The following DOCK5 variants were observed in gnomAD, a reference collection of about 807,000 sequenced individuals.
DOCK5 encodes dedicator of cytokinesis protein 5.
Under a neutral mutation model 251.8 loss-of-function variants are expected in DOCK5, and 142 were observed. The observed-to-expected ratio is 0.56, with a 90% confidence interval of 0.49 to 0.65. The LOEUF (loss-of-function observed/expected upper bound fraction) is 0.65. Among genes scored for constraint, DOCK5 ranks in the 30% least tolerant of loss-of-function variants. The pLI, the probability that DOCK5 is intolerant of heterozygous loss-of-function variation, is 0.00. For missense variants in DOCK5, 2,111 were observed against 2,312.3 expected (o/e 0.91, Z 1.79); for synonymous variants, 842 against 835.5 (o/e 1.01, Z -0.13).
At chr8:25,291,682 C>CAAAAA (rs5890216) in intron 5 of DOCK5, among the ~76,000 whole-genome samples, 1 of 118,312 alleles carries the variant, frequency 8.5e-6, no homozygotes, top group African/African-American at 3.3e-5. Context: ...GACTCCGTCT[C>CAAAAA]AAAAAAAAAA....
At chr8:25,260,385 A>AT (rs1803545838) in intron 2 of DOCK5, among the ~76,000 whole-genome samples, 1 of 150,634 alleles carries the variant, frequency 6.6e-6, no homozygotes, top group South Asian at 2.1e-4. Context: ...ACACACACAT[A>AT]ATGCAGGTGT....
At chr8:25,266,488 T>C (rs1249843294) in intron 2 of DOCK5, among the ~76,000 whole-genome samples, 1 of 151,908 alleles carries the variant, frequency 6.6e-6, no homozygotes, top group Non-Finnish European at 1.5e-5. Flanking sequence ...GTGCTGGGAT[T>C]ACAGCATTAT....
chr8:25,243,813 C>T, intron 2 of DOCK5, 56 bp downstream of exon 2: 1 of 1,548,424 alleles, frequency 6.5e-7, no homozygotes, highest in African/African-American at 1.4e-5. Flanking sequence ...GTGTAAGTTA[C>T]TTATTAAAAA....
At chr8:25,240,745 T>C (rs1802919315) in intron 1 of DOCK5, among the ~76,000 whole-genome samples, 1 of 152,244 alleles carries the variant, frequency 6.6e-6, no homozygotes, top group African/African-American at 2.4e-5. Flanking sequence ...CTATTGTGAA[T>C]AATGCTACTG....
At chr8:25,393,828 A>G (rs1383933706) in intron 44 of DOCK5, among the ~76,000 whole-genome samples, 2 of 152,198 alleles carry the variant, frequency 1.3e-5, no homozygotes, top group African/African-American at 4.8e-5. Flanking sequence ...CATGAAATAC[A>G]TACATCTTAA....
intron 42 of DOCK5, among the ~76,000 whole-genome samples, chr8:25,391,182 C>G (rs1319730879): frequency 2.0e-5 from 3 of 149,828 alleles, no homozygotes; most frequent in Admixed American, 1.3e-4. Flanking sequence ...GTAGCTGGGA[C>G]ATACACCACC....
intron 8 of DOCK5, 106 bp from the exon 9 acceptor site, chr8:25,300,470 G>T: frequency 1.0e-6 from 1 of 963,078 alleles, no homozygotes; most frequent in Non-Finnish European, 1.5e-6. Flanking sequence ...ATTTCACTGA[G>T]CATTTCTGGC....
intron 1 of DOCK5, among the ~76,000 whole-genome samples, chr8:25,237,993 T>C (rs949230637): frequency 9.2e-5 from 14 of 152,250 alleles, no homozygotes; most frequent in Non-Finnish European, 1.8e-4. Context: ...CCCATTTCTC[T>C]AGCTTTCTCT....
chr8:25,267,872 T>C lies in DOCK5; in HGVS notation c.128-973T>C, dbSNP rs190114816. ...GGTGTGTACCTTTATTGGAATTTTT[T>C]TTTTTTTGGAAACGGAGTCTCGCTC... On this transcript the variant is annotated intron_variant, in intron 2 of 51. Transcript: ENST00000276440. Among the ~76,000 whole-genome samples, 6 of 152,232 alleles carry C rather than the reference T, an allele frequency of 3.9e-5. No individual in the cohort carries two copies. The East Asian group carries it at 1.2e-3, about 29-fold the overall frequency.
In DOCK5 at chr8:25,415,161, T is replaced by C. The variant is rs1801688299; in HGVS notation, c.*3863T>C. On this transcript the variant is annotated 3_prime_UTR_variant, in exon 52 of 52. Coordinates refer to ENST00000276440, the MANE Select transcript of DOCK5 (RefSeq NM_024940.8). The stretch of plus-strand genomic sequence containing the variant: ...ATTAAAATTATGAATATGTCAGTAA[T>C]AATCCAGCACACATTGAAATATTGA... The C allele has an allele frequency of 2.0e-5, 3 of 152,154 alleles. No homozygotes were observed. The highest frequency in any genetic ancestry group is 1.3e-4 in the Admixed American group (2 of 15,276). 9.4% of individuals were successfully genotyped at this position (152,154 alleles called of 1,614,324 possible). A position where few individuals can be genotyped will look rare whatever the true frequency, so the allele number is the denominator to read the frequency against.
At chr8:25,286,240 A>G (rs1051563288) in intron 5 of DOCK5, among the ~76,000 whole-genome samples, 2 of 152,140 alleles carry the variant, frequency 1.3e-5, no homozygotes, top group Non-Finnish European at 1.5e-5. Context: ...ATTGATTGCA[A>G]TGAGCTCGAC....
rs1403956039 is a variant in DOCK5, at chr8:25,210,008, T to TTTTA, written c.43+25058_43+25059insTTAT. Among the ~76,000 whole-genome samples, 4 of 27,218 alleles carry TTTTA rather than the reference T, an allele frequency of 1.5e-4. 1 individual carries two copies. Among genetic ancestry groups the TTTTA allele is most frequent in the African/African-American group, 4.3e-4 (4 of 9,290 alleles). The allele number at this position is 27,218 out of a possible 152,430, so 17.9% of individuals were successfully genotyped here. A position where few individuals can be genotyped will look rare whatever the true frequency, so the allele number is the denominator to read the frequency against. ...GGCACATGCCACCATCCCCGGCTAATTATATATATATATATATATATATAT... is the reference window on the plus strand; with the variant it reads ...GGCACATGCCACCATCCCCGGCTAATTTTATATATATATATATATATATATATAT... On this transcript the variant is annotated intron_variant, in intron 1 of 51. Transcript: ENST00000276440.
chr8:25,339,407 A>T (rs1481775760), intron 22 of DOCK5, among the ~76,000 whole-genome samples: 1 of 152,200 alleles, frequency 6.6e-6, no homozygotes, highest in East Asian at 1.9e-4. Flanking sequence ...TTTGCAGCAT[A>T]TGTGACCAGG....
At chr8:25,282,849 CAAAAAAAAAA>C (rs56687628) in intron 5 of DOCK5, among the ~76,000 whole-genome samples, 1,749 of 39,702 alleles carry the variant, frequency 0.044, 44 homozygotes, top group African/African-American at 0.14. Flanking sequence ...GACCCTTTCT[CAAAAAAAAAA>C]AAAAAAAAAA....
intron 45 of DOCK5, among the ~76,000 whole-genome samples, chr8:25,398,140 A>G (rs1801378908): frequency 6.6e-6 from 1 of 152,226 alleles, no homozygotes; most frequent in African/African-American, 2.4e-5. Flanking sequence ...CCTACTAGAA[A>G]AATGAATTTC....
At position 25,403,589 on chromosome 8, in the gene DOCK5, G is replaced by A. The variant is rs375194434; in HGVS notation, c.4958G>A (p.Arg1653His). 2.3e-4 allele frequency: 370 copies of A among 1,613,698 alleles called. 1 individual carries two copies. Among genetic ancestry groups the A allele is most frequent in the Non-Finnish European group, 2.7e-4 (316 of 1,179,828 alleles). ...AACTTGACGGAGAGGAAGCAAAGCC[G>A]CACGGGGTCTATTGTGCTCCCCTAC... ...PPNLTERKQS[R>H]TGSIVLPYIM... The change falls in exon 48 of 52, where the codon CGC becomes CAC. Residue 1653 changes from arginine (R) to histidine (H), a missense_variant. By Grantham distance (29) the Arg-to-His change is conservative. Coordinates refer to ENST00000276440, the MANE Select transcript of DOCK5 (RefSeq NM_024940.8).
intron 39 of DOCK5, 26 bp from the exon 40 acceptor site, chr8:25,382,648 T>A: frequency 6.4e-7 from 1 of 1,565,332 alleles, no homozygotes; most frequent in South Asian, 1.2e-5. Context: ...TAACCTCCCC[T>A]TGGAATGTCT....
At chr8:25,250,387 C>T (rs1020309725) in intron 2 of DOCK5, among the ~76,000 whole-genome samples, 2 of 152,184 alleles carry the variant, frequency 1.3e-5, no homozygotes, top group Non-Finnish European at 2.9e-5. Context: ...CTGAAGCGAG[C>T]GTTCTTGCCT....
chr8:25,362,965 G>A (rs1800713066), intron 28 of DOCK5, 82 bp from the exon 29 acceptor site: 7 of 995,634 alleles, frequency 7.0e-6, no homozygotes, highest in Non-Finnish European at 1.1e-5. Context: ...TTCTGAGGTT[G>A]TGGTTCTGCT....
Sources: allele counts gnomAD v4.1 joint callset (sites outside exome capture counted in the v4.1 genomes callset), GRCh38; gene constraint gnomAD v4.1.1; transcripts MANE v1.5; gene names NCBI Gene and HGNC (gene_info 2026-07-23, HGNC 2026-07-21).